GSE1: variants seen among roughly 807,000 people sequenced by gnomAD.
The protein encoded by GSE1 is Gse1 coiled-coil protein.
In GSE1, 32 loss-of-function variants were observed where a neutral mutation model predicts 112.6. That is an observed-to-expected ratio of 0.28 (90% CI 0.21 to 0.38). The LOEUF (loss-of-function observed/expected upper bound fraction) is 0.38. GSE1 is among the 10% of genes least tolerant of loss of function. The probability of loss-of-function intolerance (pLI) is 1.00; values close to 1 mark genes in which losing one functional copy is unlikely to be tolerated. For missense variants in GSE1, 2,348 were observed against 1,699.2 expected (o/e 1.38, Z -6.71); for synonymous variants, 1,115 against 735.6 (o/e 1.52, Z -8.35).
intron 1 of GSE1, among the ~76,000 whole-genome samples, chr16:85,226,431 A>T (rs981501341): frequency 6.6e-6 from 1 of 152,214 alleles, no homozygotes; most frequent in African/African-American, 2.4e-5. Context: ...GGTGAAGGAC[A>T]AGTGGAGGGA....
chr16:85,617,857 C>T (rs972533353), intron 1 of GSE1, among the ~76,000 whole-genome samples: 7 of 152,068 alleles, frequency 4.6e-5, no homozygotes, highest in South Asian at 2.1e-4. Flanking sequence ...TTGCTTGCCC[C>T]GGAATTGGAT....
intron 8 of GSE1, 55 bp from the exon 9 acceptor site, chr16:85,661,091 G>T: frequency 1.3e-6 from 2 of 1,501,808 alleles, no homozygotes; most frequent in Middle Eastern, 1.8e-4. Flanking sequence ...AGGGAAGCCT[G>T]TGGATGACTG....
At chr16:85,301,368 G>A (rs2045520136) in intron 1 of GSE1, among the ~76,000 whole-genome samples, 1 of 152,198 alleles carries the variant, frequency 6.6e-6, no homozygotes, top group Non-Finnish European at 1.5e-5. Flanking sequence ...TGGAGTGGGT[G>A]GTCTCTGGGA....
intron 2 of GSE1, among the ~76,000 whole-genome samples, chr16:85,647,619 G>T (rs945995370): frequency 4.6e-5 from 7 of 152,102 alleles, no homozygotes; most frequent in African/African-American, 1.7e-4. Flanking sequence ...ACGAAGTCTC[G>T]CTCTGTCGCC....
At chr16:85,473,982 T>TG (rs1193725195) in intron 2 of GSE1, among the ~76,000 whole-genome samples, 1 of 150,528 alleles carries the variant, frequency 6.6e-6, no homozygotes, top group Non-Finnish European at 1.5e-5. Context: ...CCGAAGGCCC[T>TG]GGGGGGCAGC....
At chr16:85,181,066 G>C (rs2074573092) in intron 1 of GSE1, among the ~76,000 whole-genome samples, 1 of 152,204 alleles carries the variant, frequency 6.6e-6, no homozygotes, top group African/African-American at 2.4e-5. Flanking sequence ...GGAAAGCTTA[G>C]AGCCGGTGAA....
chr16:85,237,590 G>C (rs1904788825), intron 1 of GSE1, among the ~76,000 whole-genome samples: 1 of 152,090 alleles, frequency 6.6e-6, no homozygotes, highest in Non-Finnish European at 1.5e-5. Flanking sequence ...TGTAATCCCA[G>C]CACTTTGGGA....
chr16:85,410,981 C>T (rs71183774), intron 2 of GSE1, among the ~76,000 whole-genome samples: 46 of 75,060 alleles, frequency 6.1e-4, no homozygotes, highest in South Asian at 2.2e-3. Context: ...ACACTCAGGG[C>T]CCCCCGGATA....
intron 2 of GSE1, among the ~76,000 whole-genome samples, chr16:85,517,448 G>A (rs1201660642): frequency 1.3e-5 from 2 of 152,198 alleles, no homozygotes; most frequent in Non-Finnish European, 2.9e-5. Flanking sequence ...ACACATTAGT[G>A]CCCGTATGTG....
intron 7 of GSE1, 123 bp downstream of exon 7, chr16:85,656,788 G>A: frequency 1.5e-6 from 2 of 1,332,326 alleles, no homozygotes; most frequent in South Asian, 3.1e-5. Context: ...CGCCCTAAAA[G>A]CGTGGTGTGG....
chr16:85,492,361 C>A (rs960493917), intron 2 of GSE1, among the ~76,000 whole-genome samples: 5 of 152,144 alleles, frequency 3.3e-5, no homozygotes, highest in Non-Finnish European at 5.9e-5. Flanking sequence ...TTTGAGTCCC[C>A]CTCTCAAATC....
At chr16:85,192,855 G>A (rs2074851557) in intron 1 of GSE1, among the ~76,000 whole-genome samples, 1 of 152,152 alleles carries the variant, frequency 6.6e-6, no homozygotes, top group African/African-American at 2.4e-5. Flanking sequence ...CCTGGAAGCT[G>A]CCTCGCCCTT....
chr16:85,415,353 A>T (rs772388473), intron 2 of GSE1, among the ~76,000 whole-genome samples: 7 of 152,268 alleles, frequency 4.6e-5, no homozygotes, highest in Non-Finnish European at 1.0e-4. Flanking sequence ...AGTGCTAAAT[A>T]GGACATGATG....
chr16:85,579,930 C>G (rs1350722702), intron 1 of GSE1: 1 of 152,236 alleles, frequency 6.6e-6, no homozygotes, highest in Non-Finnish European at 1.5e-5. Context: ...GGAACCAGGG[C>G]TAAACTGAAA....
intron 1 of GSE1, among the ~76,000 whole-genome samples, chr16:85,293,822 C>T (rs565519684): frequency 1.4e-4 from 22 of 152,316 alleles, no homozygotes; most frequent in Non-Finnish European, 2.9e-4. Context: ...TGTGTCTTCA[C>T]GCGGCCTTCT....
rs111295322 is a variant in GSE1, at chr16:85,373,468, TC to T, written c.2464+15827del. ...GAGAACCTCTCCCCCTCCGCTGCTTTCCAGCTCAGCCTGTCTCCCCATTTGT... is the reference window on the plus strand; with the variant it reads ...GAGAACCTCTCCCCCTCCGCTGCTTTCAGCTCAGCCTGTCTCCCCATTTGT... On this transcript the variant is annotated intron_variant, in intron 2 of 2. Coordinates refer to the GSE1 transcript ENST00000637419. This position sits in a 1 kb window ranked among gnomAD's most constrained non-coding sequence, Gnocchi z 5.1. Among the ~76,000 whole-genome samples the T allele has an allele frequency of 0.026, 3,943 of 152,226 alleles. 154 individuals carry two copies. The highest frequency in any genetic ancestry group is 0.09 in the African/African-American group (3,722 of 41,514).
intron 2 of GSE1, among the ~76,000 whole-genome samples, chr16:85,516,858 C>G (rs557854033): frequency 9.7e-5 from 14 of 143,592 alleles, no homozygotes; most frequent in African/African-American, 2.3e-4. Flanking sequence ...AGTGCAGTGG[C>G]GTGATCTCCA....
At chr16:85,411,014 C>A (rs77264766) in intron 2 of GSE1, among the ~76,000 whole-genome samples, 3 of 68,834 alleles carry the variant, frequency 4.4e-5, no homozygotes, top group African/African-American at 1.9e-4. Flanking sequence ...ACACTCAGAG[C>A]CCCCCTGGAT....
chr16:85,476,798 A>G (rs1472369027), intron 2 of GSE1, among the ~76,000 whole-genome samples: 5 of 146,798 alleles, frequency 3.4e-5, no homozygotes, highest in Non-Finnish European at 5.9e-5. Flanking sequence ...TTTTAAGCAG[A>G]GACAGGGTTT....
Sources: allele counts gnomAD v4.1 joint callset (sites outside exome capture counted in the v4.1 genomes callset), GRCh38; gene constraint gnomAD v4.1.1; non-coding constraint Gnocchi (gnomAD v3.1); transcripts MANE v1.5; gene names NCBI Gene and HGNC (gene_info 2026-07-23, HGNC 2026-07-21).